Variants in GRK5 observed in about 807,000 individuals in gnomAD.
GRK5 encodes G protein-coupled receptor kinase 5.
A neutral mutation model predicts 78.4 loss-of-function variants in GRK5; 40 were observed. The ratio of observed to expected loss-of-function variants is 0.51; its 90% CI spans 0.40 to 0.66. The LOEUF (loss-of-function observed/expected upper bound fraction) is 0.66. Among genes scored for constraint, GRK5 ranks in the 30% least tolerant of loss-of-function variants. GRK5 has a pLI of 0.00. For synonymous variants in GRK5, 289 were observed against 296.8 expected, an observed-to-expected ratio of 0.97 and a Z score of 0.27; for missense variants, 598 against 759.9, an observed-to-expected ratio of 0.79 and a Z score of 2.50.
chr10:119,385,880 C>CTT (rs751627447), intron 3 of GRK5, among the ~76,000 whole-genome samples: 1 of 145,100 alleles, frequency 6.9e-6, no homozygotes, highest in Non-Finnish European at 1.5e-5. Flanking sequence ...GAGTTGTCAA[C>CTT]TTTTTTTTTT....
chr10:119,428,583 G>GC, intron 6 of GRK5, among the ~76,000 whole-genome samples: 1 of 152,076 alleles, frequency 6.6e-6, no homozygotes, highest in East Asian at 1.9e-4. Context: ...GAACCCAGAG[G>GC]CCCCCTCCCA....
At chr10:119,281,579 G>C (rs1305750956) in intron 1 of GRK5, among the ~76,000 whole-genome samples, 1 of 152,204 alleles carries the variant, frequency 6.6e-6, no homozygotes, top group Non-Finnish European at 1.5e-5. Flanking sequence ...CCTCTCCTGT[G>C]GTGGCATCTT....
At chr10:119,406,233 G>A (rs916353766) in intron 4 of GRK5, among the ~76,000 whole-genome samples, 3 of 152,184 alleles carry the variant, frequency 2.0e-5, no homozygotes, top group Non-Finnish European at 4.4e-5. Flanking sequence ...GAAGATGCTG[G>A]GCTAACTCTC....
At chr10:119,319,935 A>G (rs894822029) in intron 1 of GRK5, among the ~76,000 whole-genome samples, 1 of 152,218 alleles carries the variant, frequency 6.6e-6, no homozygotes, top group Non-Finnish European at 1.5e-5. Flanking sequence ...TCAGCCAAGT[A>G]ACTTAATGGA....
chr10:119,228,190 CT>C (rs760094830), intron 1 of GRK5, among the ~76,000 whole-genome samples: 1 of 151,796 alleles, frequency 6.6e-6, no homozygotes, highest in Non-Finnish European at 1.5e-5. Context: ...AAACAAAAAA[CT>C]AAAATTAGCT....
chr10:119,385,513 C>T (rs1424181616), intron 3 of GRK5, among the ~76,000 whole-genome samples: 1 of 152,106 alleles, frequency 6.6e-6, no homozygotes, highest in African/African-American at 2.4e-5. Context: ...GGGAGATCTG[C>T]TAGGAGGCTG....
chr10:119,387,628 C>T (rs1009557886), intron 3 of GRK5, among the ~76,000 whole-genome samples: 2 of 152,230 alleles, frequency 1.3e-5, no homozygotes, highest in African/African-American at 4.8e-5. Context: ...TCAGCCCCCA[C>T]AGGGCAAAGA....
intron 1 of GRK5, among the ~76,000 whole-genome samples, chr10:119,304,324 C>G (rs1189468331): frequency 2.3e-4 from 26 of 113,830 alleles, no homozygotes; most frequent in Admixed American, 1.2e-3. Flanking sequence ...GGGTCTTGCT[C>G]TGTTGCCCAG....
intron 1 of GRK5, among the ~76,000 whole-genome samples, chr10:119,274,419 C>A (rs563226860): frequency 7.2e-5 from 11 of 152,210 alleles, no homozygotes; most frequent in African/African-American, 2.7e-4. Context: ...GGATCCCAGG[C>A]GTTAGCTTCC....
Position 119,448,280 on chromosome 10 carries a change from C to G in GRK5, c.1404+20C>G, listed in dbSNP as rs771296431. Reference sequence around the variant, plus strand: ...CCAGACGTGAGTAGCCTCCCCCAGCCCCCAGCAGCTCCCTTCACAGGGTAC... The same window carrying G: ...CCAGACGTGAGTAGCCTCCCCCAGCGCCCAGCAGCTCCCTTCACAGGGTAC... On this transcript the variant is annotated intron_variant, in intron 13 of 15. Transcript: ENST00000392870. 3 of 1,578,710 alleles carry G rather than the reference C, an allele frequency of 1.9e-6. No individual in the cohort carries two copies. The African/African-American group carries it at 4.1e-5, about 22-fold the overall frequency.
chr10:119,380,954 C>T, intron 3 of GRK5, 27 bp downstream of exon 3: 2 of 1,343,870 alleles, frequency 1.5e-6, no homozygotes, highest in Non-Finnish European at 2.1e-6. Flanking sequence ...GAGGGATGGT[C>T]CTGTGGTCCT....
chr10:119,365,941 C>A (rs911985558), intron 2 of GRK5, among the ~76,000 whole-genome samples: 7 of 152,188 alleles, frequency 4.6e-5, no homozygotes, highest in African/African-American at 1.4e-4. Flanking sequence ...GTCATGAATT[C>A]ATTCATTCAT....
intron 1 of GRK5, among the ~76,000 whole-genome samples, chr10:119,305,502 G>A (rs1168273895): frequency 6.6e-6 from 1 of 152,200 alleles, no homozygotes. Context: ...GTGAAAATTT[G>A]CTGACAAATT....
intron 3 of GRK5, among the ~76,000 whole-genome samples, chr10:119,393,889 T>A (rs1260907948): frequency 6.6e-6 from 1 of 151,392 alleles, no homozygotes; most frequent in Non-Finnish European, 1.5e-5. Flanking sequence ...GGTGTCTGTA[T>A]GTGTGTGTGT....
At chr10:119,255,468 T>C (rs1247380828) in intron 1 of GRK5, among the ~76,000 whole-genome samples, 1 of 152,220 alleles carries the variant, frequency 6.6e-6, no homozygotes, top group African/African-American at 2.4e-5. Flanking sequence ...CTGTTTGGAC[T>C]GAGTGGTGGT....
intron 2 of GRK5, among the ~76,000 whole-genome samples, chr10:119,331,397 A>G (rs994568216): frequency 6.6e-6 from 1 of 152,260 alleles, no homozygotes; most frequent in South Asian, 2.1e-4. Flanking sequence ...CACTGTTTAC[A>G]GTCCGTCGCT....
intron 8 of GRK5, among the ~76,000 whole-genome samples, chr10:119,432,523 A>C (rs1852839917): frequency 6.6e-6 from 1 of 152,248 alleles, no homozygotes; most frequent in African/African-American, 2.4e-5. Flanking sequence ...AAGGATACAC[A>C]ATAAAACGAA....
intron 2 of GRK5, among the ~76,000 whole-genome samples, chr10:119,372,324 T>C (rs992361159): frequency 6.6e-6 from 1 of 152,242 alleles, no homozygotes; most frequent in African/African-American, 2.4e-5. Flanking sequence ...GATATAGGCA[T>C]TCTAGAATAT....
chr10:119,365,678 C>T (rs991493121), intron 2 of GRK5, among the ~76,000 whole-genome samples: 4 of 152,344 alleles, frequency 2.6e-5, no homozygotes, highest in Admixed American at 1.3e-4. Context: ...CCTACCCGGC[C>T]TCAGTTTCCC....
Sources: allele counts gnomAD v4.1 joint callset (sites outside exome capture counted in the v4.1 genomes callset), GRCh38; gene constraint gnomAD v4.1.1; transcripts MANE v1.5; gene names NCBI Gene and HGNC (gene_info 2026-07-23, HGNC 2026-07-21).